Variants in LRRIQ3 observed in about 807,000 individuals in gnomAD.
The protein encoded by LRRIQ3 is leucine-rich repeat and IQ domain-containing protein 3.
LRRIQ3 carries 75 observed loss-of-function variants against 59.3 expected under a neutral mutation model. That is an observed-to-expected ratio of 1.26 (90% CI 1.05 to 1.53). The LOEUF (loss-of-function observed/expected upper bound fraction) is 1.53. LRRIQ3 is among the 40% of genes most tolerant of loss of function. The pLI, the probability that LRRIQ3 is intolerant of heterozygous loss-of-function variation, is 0.00. For missense variants in LRRIQ3, 831 were observed against 710.0 expected (o/e 1.17, Z -1.94); for synonymous variants, 250 against 231.3 (o/e 1.08, Z -0.73).
In LRRIQ3 at chr1:74,041,204, T is replaced by G. The variant is rs746708091; in HGVS notation, c.1718+9A>C. 6.5e-7 allele frequency: 1 copy of G among 1,542,994 alleles called. No homozygotes were observed. Among genetic ancestry groups the G allele is most frequent in the Admixed American group, 2.0e-5 (1 of 50,154 alleles). On this transcript the variant is annotated intron_variant, in intron 7 of 7. Coordinates refer to ENST00000354431, the MANE Select transcript of LRRIQ3 (RefSeq NM_001105659.2). ...TTTAATGCCTCTGTTATATCTAAAT[T>G]GTACCTACCTAACTTTTTTCATTTC...
intron 6 of LRRIQ3, among the ~76,000 whole-genome samples, chr1:74,072,673 C>A (rs978617855): frequency 6.6e-6 from 1 of 151,842 alleles, no homozygotes; most frequent in East Asian, 1.9e-4. Context: ...CACATTTATG[C>A]TCTGATTATG....
intron 1 of LRRIQ3, among the ~76,000 whole-genome samples, chr1:74,192,280 G>T (rs1428546145): frequency 6.6e-6 from 1 of 152,052 alleles, no homozygotes; most frequent in East Asian, 1.9e-4. Flanking sequence ...ACATGTGCAG[G>T]TTTGTTACAA....
At chr1:74,057,854 G>C (rs1040321948) in intron 6 of LRRIQ3, among the ~76,000 whole-genome samples, 1 of 151,958 alleles carries the variant, frequency 6.6e-6, no homozygotes, top group African/African-American at 2.4e-5. Context: ...AAAATACATA[G>C]GGAACTCAAA....
intron 4 of LRRIQ3, among the ~76,000 whole-genome samples, chr1:74,130,815 A>T (rs1407365702): frequency 6.6e-6 from 1 of 152,132 alleles, no homozygotes; most frequent in African/African-American, 2.4e-5. Context: ...CATCACAATT[A>T]AAAGAACTAG....
In LRRIQ3 at chr1:74,193,829, C is replaced by T. The variant is rs140685711; in HGVS notation, c.-1+4167G>A. ...ATACTAGACTCCAGAATTATCACAA[C>T]AGCTGTTATCTGCATATAAAATCAA... On this transcript the variant is annotated intron_variant, in intron 1 of 7. Transcript: ENST00000354431. Among the ~76,000 whole-genome samples, 14 of 152,044 alleles carry T rather than the reference C, an allele frequency of 9.2e-5. No individual in the cohort carries two copies. In the East Asian group the frequency reaches 2.7e-3, roughly 29 times the overall value.
intron 6 of LRRIQ3, among the ~76,000 whole-genome samples, chr1:74,055,818 G>A (rs1300791607): frequency 6.6e-6 from 1 of 152,076 alleles, no homozygotes; most frequent in Non-Finnish European, 1.5e-5. Flanking sequence ...TGCAGGAAAA[G>A]CACTCATGAA....
intron 4 of LRRIQ3, among the ~76,000 whole-genome samples, chr1:74,111,828 C>T (rs1212242973): frequency 6.6e-6 from 1 of 151,994 alleles, no homozygotes; most frequent in Non-Finnish European, 1.5e-5. Flanking sequence ...ACATAGGATC[C>T]CTCTACTACT....
At chr1:74,069,840 T>C (rs1042133786) in intron 6 of LRRIQ3, among the ~76,000 whole-genome samples, 1 of 152,034 alleles carries the variant, frequency 6.6e-6, no homozygotes, top group African/African-American at 2.4e-5. Flanking sequence ...TATGCCCTAG[T>C]TGAATTTTGA....
intron 6 of LRRIQ3, among the ~76,000 whole-genome samples, chr1:74,070,284 T>A (rs1207085572): frequency 6.6e-6 from 1 of 152,098 alleles, no homozygotes; most frequent in Admixed American, 6.6e-5. Flanking sequence ...CAAGATGGAA[T>A]ACTATGCAGC....
chr1:74,142,685 A>G (rs1647313096), intron 4 of LRRIQ3, among the ~76,000 whole-genome samples: 1 of 152,042 alleles, frequency 6.6e-6, no homozygotes, highest in African/African-American at 2.4e-5. Context: ...TAAAAGAGTC[A>G]GGGGTATATT....
In LRRIQ3 at chr1:74,133,197, A is replaced by C. The variant is rs192911424; in HGVS notation, c.707+22536T>G. Reference sequence around the variant, plus strand: ...ACACCAGTTAGAATGGCAATCATTAAAAAGTCAGGAAACAACAGGTGCTGG... The same window carrying C: ...ACACCAGTTAGAATGGCAATCATTACAAAGTCAGGAAACAACAGGTGCTGG... On this transcript the variant is annotated intron_variant, in intron 4 of 7. Coordinates refer to ENST00000354431, the MANE Select transcript of LRRIQ3 (RefSeq NM_001105659.2). 6.2e-3 allele frequency among the ~76,000 whole-genome samples: 950 copies of C among 152,302 alleles called. 9 individuals carry two copies. The highest frequency in any genetic ancestry group is 0.014 in the African/African-American group (581 of 41,568).
intron 4 of LRRIQ3, among the ~76,000 whole-genome samples, chr1:74,132,850 C>T (rs1396683984): frequency 1.3e-5 from 2 of 152,018 alleles, no homozygotes; most frequent in Admixed American, 6.6e-5. Flanking sequence ...CAACAAAAGC[C>T]AAAATTGACA....
chr1:74,196,832 T>G (rs1651184750), intron 1 of LRRIQ3, among the ~76,000 whole-genome samples: 1 of 152,162 alleles, frequency 6.6e-6, no homozygotes, highest in Non-Finnish European at 1.5e-5. Context: ...TGCAGTAACC[T>G]CCAAAGAAGT....
chr1:74,183,055 TTTA>T, intron 2 of LRRIQ3, 194 bp from the exon 3 acceptor site: 1 of 384,580 alleles, frequency 2.6e-6, no homozygotes. Flanking sequence ...TCTGAGATAA[TTTA>T]TTATTATTCG....
intron 6 of LRRIQ3, among the ~76,000 whole-genome samples, chr1:74,066,052 G>C (rs909242857): frequency 2.0e-5 from 3 of 151,938 alleles, no homozygotes; most frequent in African/African-American, 7.3e-5. Flanking sequence ...TGGGCGTGCT[G>C]GTGCATGCCT....
intron 5 of LRRIQ3, among the ~76,000 whole-genome samples, chr1:74,104,848 T>C (rs1286392246): frequency 6.6e-6 from 1 of 152,004 alleles, no homozygotes; most frequent in Non-Finnish European, 1.5e-5. Flanking sequence ...TCAGTATGGG[T>C]CCATCTATTT....
rs1274702542 is a variant in LRRIQ3, at chr1:74,198,156, A to G, written c.-161T>C. On this transcript the variant is annotated 5_prime_UTR_variant, in exon 1 of 8. Transcript: ENST00000354431. The stretch of plus-strand genomic sequence containing the variant: ...ATCATGGTTTTCCGGGCGCCAGCCA[A>G]GGCGCTCCGGGGGCGTGGTTACGTG... 1.3e-6 allele frequency: 2 copies of G among 1,507,066 alleles called. No individual in the cohort carries two copies. The highest frequency in any genetic ancestry group is 1.3e-5 in the South Asian group (1 of 77,356). 93.4% of individuals were successfully genotyped at this position (1,507,066 alleles called of 1,614,324 possible). A position where few individuals can be genotyped will look rare whatever the true frequency, so the allele number is the denominator to read the frequency against.
chr1:74,053,349 C>A lies in LRRIQ3; in HGVS notation c.998-11416G>T, dbSNP rs190139615. 2.0e-5 allele frequency among the ~76,000 whole-genome samples: 3 copies of A among 151,944 alleles called. No homozygotes were observed. In the East Asian group the frequency reaches 5.8e-4, roughly 29 times the overall value. On this transcript the variant is annotated intron_variant, in intron 6 of 7. Transcript: ENST00000354431. The stretch of plus-strand genomic sequence containing the variant: ...TATGACAATAACTTCTTTAAAAAAA[C>A]CAAAGTTCCATGAAAGAAATAACTG...
intron 6 of LRRIQ3, among the ~76,000 whole-genome samples, chr1:74,042,549 T>A (rs1654080044): frequency 6.6e-6 from 1 of 152,088 alleles, no homozygotes; most frequent in African/African-American, 2.4e-5. Flanking sequence ...GGCTTTCAGT[T>A]TGTTTACATA....
Sources: allele counts gnomAD v4.1 joint callset (sites outside exome capture counted in the v4.1 genomes callset), GRCh38; gene constraint gnomAD v4.1.1; transcripts MANE v1.5; gene names NCBI Gene and HGNC (gene_info 2026-07-23, HGNC 2026-07-21).